The following SF3B2 variants were observed in gnomAD, a reference collection of about 807,000 sequenced individuals.
SF3B2 encodes SAP 145.
In SF3B2, 22 loss-of-function variants were observed where a neutral mutation model predicts 116.3. The ratio of observed to expected loss-of-function variants is 0.19; its 90% CI spans 0.14 to 0.27. The LOEUF is 0.27. Ranked by LOEUF, SF3B2 falls within the 10% of genes least tolerant of loss-of-function variation. The pLI is 1.00. For synonymous variants in SF3B2, 406 were observed against 421.6 expected, an observed-to-expected ratio of 0.96 and a Z score of 0.45; for missense variants, 767 against 1,151.4, an observed-to-expected ratio of 0.67 and a Z score of 4.83.
chr11:66,060,650 C>G lies in SF3B2; in HGVS notation c.1698C>G (p.Ile566Met). Residue 566 changes from isoleucine (I) to methionine (M), a missense_variant, in exon 14 of 22, where the codon ATC (isoleucine) becomes ATG (methionine). Ile to Met is a conservative substitution (Grantham distance 10). This residue lies in a region of SF3B2 where 282 missense variants were observed against 568.0 expected (regional missense o/e 0.50). Coordinates refer to ENST00000322535, the MANE Select transcript of SF3B2 (RefSeq NM_006842.3). ...GGCCTAAGATGGGCAAAATTGACAT[C>G]GACTACCAGAAACTGCATGATGCCT... is the stretch of plus-strand genomic sequence containing the variant. Reference protein sequence around the residue: ...KVRPKMGKIDIDYQKLHDAFF... With the variant: ...KVRPKMGKIDMDYQKLHDAFF... 6.2e-7 allele frequency: 1 copy of G among 1,614,156 alleles called. No individual in the cohort carries two copies. Among genetic ancestry groups the G allele is most frequent in the Non-Finnish European group, 8.5e-7 (1 of 1,180,020 alleles).
At chr11:66,057,207 A>C (rs1477104288) in intron 6 of SF3B2, 59 bp from the exon 7 acceptor site, 1 of 1,138,172 alleles carries the variant, frequency 8.8e-7, no homozygotes, top group Non-Finnish European at 1.3e-6. Flanking sequence ...AAGAGAGGTA[A>C]TTTTTTACGT....
At chr11:66,061,139 A>G (rs1857094410) in intron 14 of SF3B2, among the ~76,000 whole-genome samples, 1 of 152,118 alleles carries the variant, frequency 6.6e-6, no homozygotes, top group African/African-American at 2.4e-5. Flanking sequence ...TCAGCCTTAG[A>G]ATTGCCCATC....
Position 66,059,800 on chromosome 11 carries a change from G to A in SF3B2, c.1420G>A (p.Val474Ile). 6.2e-7 allele frequency: 1 copy of A among 1,614,224 alleles called. No homozygotes were observed. Among genetic ancestry groups the A allele is most frequent in the Non-Finnish European group, 8.5e-7 (1 of 1,180,026 alleles). The change falls in exon 13 of 22, where the codon GTC becomes ATC. Residue 474 changes from valine to isoleucine, a missense_variant. Physicochemically the swap from Val to Ile is conservative, Grantham distance 29. Around this residue, in one of 4 missense-constraint regions of SF3B2, gnomAD observed 282 missense variants for 568.0 expected, o/e 0.50. Coordinates refer to ENST00000322535, the MANE Select transcript of SF3B2 (RefSeq NM_006842.3). This position sits in a 1 kb window ranked among gnomAD's most constrained non-coding sequence, Gnocchi z 5.0. ...ELKQLVARPD[V>I]VEMHDVTAQD... ...TTTCCAGCTGGTGGCTCGGCCCGATGTCGTGGAGATGCACGATGTGACAGC... is the reference window on the plus strand; with the variant it reads ...TTTCCAGCTGGTGGCTCGGCCCGATATCGTGGAGATGCACGATGTGACAGC...
chr11:66,068,180 G>A lies in SF3B2; in HGVS notation c.2463G>A (p.Leu821=), dbSNP rs780292998. 6.2e-6 allele frequency: 10 copies of A among 1,614,162 alleles called. No individual in the cohort carries two copies. The Middle Eastern group carries it at 8.2e-4, about 133-fold the overall frequency. The change falls in exon 21 of 22, where the codon CTG becomes CTA. Residue 821 remains leucine, a synonymous_variant. Coordinates refer to ENST00000322535, the MANE Select transcript of SF3B2 (RefSeq NM_006842.3). The part of the protein sequence containing the change: ...VMSRKGPAPE[L]QGVEVALAPE... ...GCCGGAAGGGCCCGGCTCCTGAGCTGCAAGGTGTGGAAGTGGCGCTGGCGC... is the reference window on the plus strand; with the variant it reads ...GCCGGAAGGGCCCGGCTCCTGAGCTACAAGGTGTGGAAGTGGCGCTGGCGC...
At chr11:66,058,250 G>A (rs1034290231) in intron 8 of SF3B2, 64 bp from the exon 9 acceptor site, 39 of 1,578,950 alleles carry the variant, frequency 2.5e-5, no homozygotes, top group Non-Finnish European at 3.3e-5. Flanking sequence ...GTAAAGGCAG[G>A]TTACTGTGAA....
At chr11:66,058,528 A>C in intron 9 of SF3B2, 123 bp downstream of exon 9, 1 of 722,478 alleles carries the variant, frequency 1.4e-6, no homozygotes, top group East Asian at 2.7e-5. Context: ...CGCCCTCAGC[A>C]TCTTATAGAT....
intron 7 of SF3B2, among the ~76,000 whole-genome samples, chr11:66,057,713 C>T (rs1857026243): frequency 6.6e-6 from 1 of 151,176 alleles, no homozygotes; most frequent in African/African-American, 2.4e-5. Flanking sequence ...CGGTGGCTCA[C>T]ACCTGTAATC....
intron 3 of SF3B2, chr11:66,053,544 G>T (rs1159174331): frequency 1.5e-5 from 3 of 203,380 alleles, no homozygotes; most frequent in South Asian, 7.3e-5. Flanking sequence ...GCTGGGCACG[G>T]TGGCACGCGC....
intron 14 of SF3B2, 65 bp downstream of exon 14, chr11:66,060,796 TTG>T: frequency 6.7e-7 from 1 of 1,488,614 alleles, no homozygotes; most frequent in South Asian, 1.2e-5. Context: ...GGGCTTTTTT[TTG>T]TTTGTTTGTT....
chr11:66,068,505 G>T, intron 21 of SF3B2, 169 bp from the exon 22 acceptor site: 1 of 861,906 alleles, frequency 1.2e-6, no homozygotes. Context: ...CCTCTTTAAG[G>T]ACGATGAGGG....
intron 14 of SF3B2, among the ~76,000 whole-genome samples, chr11:66,061,379 A>G (rs1565090419): frequency 6.6e-6 from 1 of 152,170 alleles, no homozygotes; most frequent in Non-Finnish European, 1.5e-5. Flanking sequence ...TTGAAATCGT[A>G]GTCACCATGA....
At chr11:66,062,029 C>T (rs760153114) in intron 16 of SF3B2, 31 bp downstream of exon 16, 4 of 1,529,170 alleles carry the variant, frequency 2.6e-6, no homozygotes, top group African/African-American at 1.4e-5. Flanking sequence ...CATTCTTGGC[C>T]ATTTCTGCTT....
At chr11:66,068,541 G>T in intron 21 of SF3B2, 133 bp from the exon 22 acceptor site, 1 of 866,566 alleles carries the variant, frequency 1.2e-6, no homozygotes, top group Non-Finnish European at 1.8e-6. Flanking sequence ...AGTCTGAGAG[G>T]GAGCTCGAAG....
In SF3B2 at chr11:66,062,007, T is replaced by C; in HGVS notation, c.1977+9T>C. The C allele has an allele frequency of 6.3e-7, 1 of 1,596,894 alleles. No homozygotes were observed. Among genetic ancestry groups the C allele is most frequent in the Non-Finnish European group, 8.6e-7 (1 of 1,169,344 alleles). On this transcript the variant is annotated intron_variant, in intron 16 of 21. Transcript: ENST00000322535. ...ACTCGCCCATCCCTGAGGTGAGCAT[T>C]GTCCTTTCGTTCATTCTTGGCCATT...
At chr11:66,057,983 A>G (rs867132405) in intron 7 of SF3B2, 71 bp from the exon 8 acceptor site, 33 of 1,096,202 alleles carry the variant, frequency 3.0e-5, no homozygotes, top group African/African-American at 1.0e-4. Context: ...AAAAAAAAAA[A>G]AAAGAAAGAA....
intron 13 of SF3B2, 95 bp downstream of exon 13, chr11:66,060,104 C>G: frequency 9.5e-7 from 1 of 1,054,044 alleles, no homozygotes. Context: ...AACCCACCTA[C>G]CACCTACTTG....
In SF3B2 at chr11:66,052,508, C is replaced by G. The variant is rs781167565; in HGVS notation, c.124C>G (p.Pro42Ala). ...GGCCAAGTTGGCAGAGATCGGAGCTCCGATCCAGGGTGAGGAACACAGGAA... is the reference window on the plus strand; with the variant it reads ...GGCCAAGTTGGCAGAGATCGGAGCTGCGATCCAGGGTGAGGAACACAGGAA... ...LQAKLAEIGA[P>A]IQGNREELVE... The change falls in exon 1 of 22, where the codon CCG becomes GCG. Residue 42 changes from proline to alanine, a missense_variant. Transcript: ENST00000322535. 1 of 1,613,480 alleles carries G rather than the reference C, an allele frequency of 6.2e-7. No individual in the cohort carries two copies. Among genetic ancestry groups the G allele is most frequent in the East Asian group, 2.2e-5 (1 of 44,850 alleles).
At chr11:66,063,792 CTG>C in intron 19 of SF3B2, 63 bp downstream of exon 19, 1 of 1,316,400 alleles carries the variant, frequency 7.6e-7, no homozygotes, top group East Asian at 2.4e-5. Flanking sequence ...GGCTGGCTGA[CTG>C]TTGTTCCTTT....
At chr11:66,055,490 C>T (rs761569350) in intron 4 of SF3B2, 45 bp from the exon 5 acceptor site, 83 of 1,608,764 alleles carry the variant, frequency 5.2e-5, no homozygotes, top group Non-Finnish European at 3.3e-5. Flanking sequence ...GGCAGATTGG[C>T]GTGTTGGGTA....
Sources: gnomAD v4.1 joint callset for allele counts (sites outside exome capture counted in the v4.1 genomes callset) on GRCh38, gnomAD v4.1.1 for gene constraint, gnomAD v4.1.1 regional missense constraint, Gnocchi (gnomAD v3.1) non-coding constraint, MANE v1.5 for transcripts, NCBI Gene and HGNC (gene_info 2026-07-23, HGNC 2026-07-21) for gene names.